The following CRACR2A variants were observed in gnomAD, a reference collection of about 807,000 sequenced individuals.
The protein encoded by CRACR2A is EF-hand calcium-binding domain-containing protein 4B.
Under a neutral mutation model 90.5 loss-of-function variants are expected in CRACR2A, and 79 were observed. The observed-to-expected ratio is 0.87, with a 90% CI of 0.73 to 1.05. CRACR2A has a LOEUF of 1.05. Ranked by LOEUF, CRACR2A falls within the 50% of genes least tolerant of loss-of-function variation. The pLI, the probability that CRACR2A is intolerant of heterozygous loss-of-function variation, is 0.00. For synonymous variants in CRACR2A, 338 were observed against 356.7 expected (o/e 0.95, Z 0.59); for missense variants, 823 against 897.2 (o/e 0.92, Z 1.06).
chr12:3,715,535 A>C (rs1277236538), intron 2 of CRACR2A, among the ~76,000 whole-genome samples: 1 of 152,258 alleles, frequency 6.6e-6, no homozygotes, highest in Non-Finnish European at 1.5e-5. Flanking sequence ...GCCTGAAACA[A>C]GGTACAGTTT....
Position 3,641,761 on chromosome 12 carries a change from T to G in CRACR2A, c.1242A>C (p.Lys414Asn), listed in dbSNP as rs1944576612. 5 of 1,551,552 alleles carry G rather than the reference T, an allele frequency of 3.2e-6. No individual in the cohort carries two copies. Among genetic ancestry groups the G allele is most frequent in the South Asian group, 2.4e-5 (2 of 84,056 alleles). The change falls in exon 13 of 20, where the codon AAA (lysine) becomes AAC (asparagine). Residue 414 changes from lysine to asparagine, a missense_variant. Lys to Asn is a moderately conservative substitution (Grantham distance 94). Transcript: ENST00000440314. ...WKKRSGSVIG[K>N]YVDSRGILRS... ...TAAGAATCCCTCTGCTGTCCACATATTTGCCTATCACAGAGCCAGATCTCT... is the reference window on the plus strand; with the variant it reads ...TAAGAATCCCTCTGCTGTCCACATAGTTGCCTATCACAGAGCCAGATCTCT...
chr12:3,750,158 A>T (rs1473693865), intron 1 of CRACR2A, among the ~76,000 whole-genome samples: 4 of 151,678 alleles, frequency 2.6e-5, no homozygotes, highest in Admixed American at 6.6e-5. Context: ...CTGGTCTCGA[A>T]CTTCTGACCT....
At chr12:3,684,406 G>A (rs950130185) in intron 4 of CRACR2A, among the ~76,000 whole-genome samples, 1 of 152,144 alleles carries the variant, frequency 6.6e-6, no homozygotes, top group Non-Finnish European at 1.5e-5. Flanking sequence ...TGGCACTACC[G>A]ACATTTTGGA....
Position 3,629,846 on chromosome 12 carries a change from CAAGG to C in CRACR2A, c.1736-2144_1736-2141del, listed in dbSNP as rs1218357686. 4.1e-3 allele frequency among the ~76,000 whole-genome samples: 153 copies of C among 37,458 alleles called. 2 individuals are homozygous for C. Among genetic ancestry groups the C allele is most frequent in the South Asian group, 0.017 (20 of 1,190 alleles). 24.6% of individuals were successfully genotyped at this position (37,458 alleles called of 152,430 possible). On this transcript the variant is annotated intron_variant, in intron 15 of 19. Coordinates refer to ENST00000440314, the MANE Select transcript of CRACR2A (RefSeq NM_001144958.2). Reference sequence around the variant, plus strand: ...GGGTGTGAAGGACACAAGGAAAAGACAAGGGGGGGGGGGGATGAAGAGGTGGCAT... The same window carrying C: ...GGGTGTGAAGGACACAAGGAAAAGACGGGGGGGGGGATGAAGAGGTGGCAT...
Position 3,746,293 on chromosome 12 carries a change from GTCATGAGGGTGGGGCCC to G in CRACR2A, c.-387+6705_-387+6721del. Among the ~76,000 whole-genome samples the G allele has an allele frequency of 6.6e-6, 1 of 151,868 alleles. No homozygotes were observed. Among genetic ancestry groups the G allele is most frequent in the African/African-American group, 2.4e-5 (1 of 41,318 alleles). ...TAGGAGGTGATTAGGTTTAGATGAG[GTCATGAGGGTGGGGCCC>G]TCATGATGGGATTAGTGCCCATCAT... On this transcript the variant is annotated intron_variant, in intron 1 of 19. Transcript: ENST00000440314. The surrounding 1 kb of genome is among the most constrained non-coding windows in gnomAD (Gnocchi z 4.4).
At chr12:3,716,408 T>A (rs1946083179) in intron 2 of CRACR2A, among the ~76,000 whole-genome samples, 1 of 152,240 alleles carries the variant, frequency 6.6e-6, no homozygotes, top group African/African-American at 2.4e-5. Flanking sequence ...CTGCAGCTGA[T>A]CTGGGCACAA....
chr12:3,628,208 C>A (rs1944310989), intron 15 of CRACR2A, among the ~76,000 whole-genome samples: 1 of 144,994 alleles, frequency 6.9e-6, no homozygotes, highest in Non-Finnish European at 1.5e-5. Context: ...TTTCTCTCTT[C>A]CTCTCTTCCT....
chr12:3,673,681 A>G, intron 6 of CRACR2A, 89 bp from the exon 7 acceptor site: 3 of 1,493,988 alleles, frequency 2.0e-6, no homozygotes, highest in Admixed American at 4.1e-5. Context: ...TGACAGCCAG[A>G]AACAGTACCG....
At chr12:3,748,651 C>G (rs895807574) in intron 1 of CRACR2A, among the ~76,000 whole-genome samples, 2 of 152,176 alleles carry the variant, frequency 1.3e-5, no homozygotes, top group African/African-American at 2.4e-5. Context: ...TATTGAACTT[C>G]AAGAGGTCCT....
At chr12:3,752,122 G>A (rs1306351676) in intron 1 of CRACR2A, among the ~76,000 whole-genome samples, 1 of 152,086 alleles carries the variant, frequency 6.6e-6, no homozygotes, top group Admixed American at 6.6e-5. Flanking sequence ...GACCACCCTG[G>A]GGACTCCCAC....
At chr12:3,724,882 T>C (rs1946237298) in intron 2 of CRACR2A, among the ~76,000 whole-genome samples, 1 of 152,182 alleles carries the variant, frequency 6.6e-6, no homozygotes, top group Admixed American at 6.5e-5. Context: ...GTGAACTCGC[T>C]TCCTGGGCTG....
intron 15 of CRACR2A, among the ~76,000 whole-genome samples, chr12:3,631,694 G>T (rs1944378153): frequency 6.6e-6 from 1 of 152,194 alleles, no homozygotes; most frequent in Non-Finnish European, 1.5e-5. Flanking sequence ...AGAAGGAAAG[G>T]CATGGGAAGA....
At chr12:3,643,840 AAT>A (rs1433555531) in intron 12 of CRACR2A, among the ~76,000 whole-genome samples, 1 of 71,888 alleles carries the variant, frequency 1.4e-5, no homozygotes, top group African/African-American at 5.0e-5. Flanking sequence ...AAATATATAT[AAT>A]ATATATTATA....
Position 3,678,926 on chromosome 12 carries a change from C to G in CRACR2A, c.513G>C (p.Lys171Asn). ...CTGTCACCACTTACTCTTCCAACAC[C>G]TTTTGGGCTCCAAGTCTGTCCATCA... ...RMLMDRLGAQKVLEDESDVKQ... is the reference protein window; with the variant it reads ...RMLMDRLGAQNVLEDESDVKQ... The change falls in exon 6 of 20, where the codon AAG becomes AAC. Residue 171 changes from lysine to asparagine, a missense_variant. Transcript: ENST00000440314. The G allele has an allele frequency of 6.2e-7, 1 of 1,608,086 alleles. No individual in the cohort carries two copies. The highest frequency in any genetic ancestry group is 8.5e-7 in the Non-Finnish European group (1 of 1,177,820).
chr12:3,677,385 ACC>A (rs1945355896), intron 6 of CRACR2A, among the ~76,000 whole-genome samples: 1 of 151,010 alleles, frequency 6.6e-6, no homozygotes. Flanking sequence ...CACTCTTGAA[ACC>A]TCCACAAAAC....
intron 4 of CRACR2A, among the ~76,000 whole-genome samples, chr12:3,692,855 T>G (rs1193130447): frequency 6.6e-6 from 1 of 152,128 alleles, no homozygotes; most frequent in Non-Finnish European, 1.5e-5. Context: ...CAAGTCTACG[T>G]GCACTCTCTC....
intron 13 of CRACR2A, 104 bp from the exon 14 acceptor site, chr12:3,638,558 C>T: frequency 1.5e-6 from 2 of 1,302,820 alleles, no homozygotes; most frequent in Non-Finnish European, 2.1e-6. Context: ...AGGAGCATCA[C>T]ACCTTTGGAC....
chr12:3,693,634 C>T (rs1002114577), intron 4 of CRACR2A, among the ~76,000 whole-genome samples: 2 of 152,144 alleles, frequency 1.3e-5, no homozygotes, highest in Admixed American at 6.5e-5. Flanking sequence ...TGAATATTGG[C>T]CCCCAATCTC....
chr12:3,742,655 G>A (rs1215344406), intron 1 of CRACR2A, among the ~76,000 whole-genome samples: 2 of 152,186 alleles, frequency 1.3e-5, no homozygotes, highest in African/African-American at 4.8e-5. Flanking sequence ...TGGCCAGAAC[G>A]TCACTGGTTT....
Sources: gnomAD v4.1 joint callset for allele counts (sites outside exome capture counted in the v4.1 genomes callset) on GRCh38, gnomAD v4.1.1 for gene constraint, Gnocchi (gnomAD v3.1) non-coding constraint, MANE v1.5 for transcripts, NCBI Gene and HGNC (gene_info 2026-07-23, HGNC 2026-07-21) for gene names.